Variants in GSG1L observed in about 807,000 individuals in gnomAD.
GSG1L encodes GSG1 like, also known as germ cell-specific gene 1-like protein.
In GSG1L, 24 loss-of-function variants were observed where a neutral mutation model predicts 42.1. That is an observed-to-expected ratio of 0.57 (90% CI 0.41 to 0.80). The LOEUF is 0.80. GSG1L is among the 30% of genes least tolerant of loss of function. The pLI is 0.00. For missense variants in GSG1L, 445 were observed against 472.2 expected, an observed-to-expected ratio of 0.94 and a Z score of 0.53; for synonymous variants, 215 against 203.5, an observed-to-expected ratio of 1.06 and a Z score of -0.48.
chr16:28,053,944 C>T (rs2086249189), intron 1 of GSG1L, among the ~76,000 whole-genome samples: 1 of 152,146 alleles, frequency 6.6e-6, no homozygotes, highest in Admixed American at 6.5e-5. Flanking sequence ...TCTCCTCGCT[C>T]GCTCCCTCTG....
chr16:27,829,254 G>A (rs1193088988), intron 4 of GSG1L, among the ~76,000 whole-genome samples: 1 of 152,140 alleles, frequency 6.6e-6, no homozygotes, highest in Non-Finnish European at 1.5e-5. Context: ...AAAATACAGC[G>A]ACACTTATGT....
At chr16:28,026,992 G>T (rs1426127302) in intron 1 of GSG1L, among the ~76,000 whole-genome samples, 1 of 152,200 alleles carries the variant, frequency 6.6e-6, no homozygotes, top group African/African-American at 2.4e-5. Context: ...TGAGGCAGAA[G>T]AATTGCTTGA....
At chr16:28,024,508 C>T (rs1461527833) in intron 1 of GSG1L, among the ~76,000 whole-genome samples, 3 of 152,128 alleles carry the variant, frequency 2.0e-5, no homozygotes, top group South Asian at 2.1e-4. Flanking sequence ...TAACAGGCCC[C>T]GGAACAGCGG....
chr16:28,052,794 T>C (rs1365589178), intron 1 of GSG1L, among the ~76,000 whole-genome samples: 7 of 152,142 alleles, frequency 4.6e-5, no homozygotes, highest in Admixed American at 4.6e-4. Context: ...AAACAGATGA[T>C]TAGGTAGGGA....
chr16:27,874,441 C>CTGTTTTTTTT (rs2083860011), intron 3 of GSG1L, among the ~76,000 whole-genome samples: 1 of 94,474 alleles, frequency 1.1e-5, no homozygotes, highest in Non-Finnish European at 2.1e-5. Context: ...ACAGGAGAGC[C>CTGTTTTTTTT]TTTTTTTTTT....
intron 6 of GSG1L, among the ~76,000 whole-genome samples, chr16:27,797,821 C>CA (rs59207468): frequency 0.024 from 1,848 of 76,926 alleles, 66 homozygotes; most frequent in African/African-American, 0.062. Flanking sequence ...GACTCCATCT[C>CA]AAAAAAAAAA....
intron 2 of GSG1L, among the ~76,000 whole-genome samples, chr16:27,952,154 A>G (rs1191901971): frequency 6.6e-6 from 1 of 152,212 alleles, no homozygotes; most frequent in Non-Finnish European, 1.5e-5. Flanking sequence ...GCCACCCACT[A>G]TCTATAACCT....
At chr16:27,894,401 A>T (rs1251856872) in intron 2 of GSG1L, among the ~76,000 whole-genome samples, 1 of 152,236 alleles carries the variant, frequency 6.6e-6, no homozygotes, top group Non-Finnish European at 1.5e-5. Flanking sequence ...CTTTATGAGG[A>T]TCAGAGGGGA....
At chr16:27,871,529 T>A (rs1016210451) in intron 3 of GSG1L, among the ~76,000 whole-genome samples, 7 of 151,920 alleles carry the variant, frequency 4.6e-5, no homozygotes, top group Non-Finnish European at 8.8e-5. Context: ...TCCCAGCTAC[T>A]CAGGAGGTTG....
chr16:28,053,881 C>T (rs1014560436), intron 1 of GSG1L, among the ~76,000 whole-genome samples: 3 of 152,166 alleles, frequency 2.0e-5, no homozygotes, highest in Non-Finnish European at 4.4e-5. Flanking sequence ...GCACGTGCCT[C>T]GATCTCCCTT....
intron 5 of GSG1L, among the ~76,000 whole-genome samples, chr16:27,821,134 C>T (rs76638524): frequency 0.014 from 2,141 of 152,274 alleles, 51 homozygotes; most frequent in African/African-American, 0.05. Flanking sequence ...CCGGGAGACT[C>T]GATTGTGCCA....
At chr16:27,921,938 G>C (rs2084529156) in intron 2 of GSG1L, among the ~76,000 whole-genome samples, 1 of 151,514 alleles carries the variant, frequency 6.6e-6, no homozygotes, top group Non-Finnish European at 1.5e-5. Flanking sequence ...ATCAAGTAAG[G>C]GTTGCTTTTT....
chr16:27,826,049 T>C (rs1393603010), intron 5 of GSG1L, among the ~76,000 whole-genome samples: 1 of 152,064 alleles, frequency 6.6e-6, no homozygotes, highest in East Asian at 1.9e-4. Context: ...ACATAAAAAA[T>C]AGCAATGGGT....
At chr16:27,969,055 GCTGAGATCGCCCCA>G (rs1195599724) in intron 1 of GSG1L, among the ~76,000 whole-genome samples, 3 of 152,154 alleles carry the variant, frequency 2.0e-5, no homozygotes, top group Non-Finnish European at 4.4e-5. Context: ...GTTGCAATGA[GCTGAGATCGCCCCA>G]CTGCACTTCA....
intron 2 of GSG1L, among the ~76,000 whole-genome samples, chr16:27,932,812 C>T (rs769158459): frequency 1.3e-4 from 20 of 152,212 alleles, no homozygotes; most frequent in South Asian, 6.2e-4. Context: ...CAGATCATGG[C>T]TCACCCCTGT....
intron 3 of GSG1L, among the ~76,000 whole-genome samples, chr16:27,873,405 G>C (rs1049296734): frequency 1.3e-5 from 2 of 152,174 alleles, no homozygotes; most frequent in Admixed American, 1.3e-4. Flanking sequence ...GCTGCTGGTG[G>C]GGTGTGATGG....
chr16:27,908,320 A>G (rs1454904017), intron 2 of GSG1L, among the ~76,000 whole-genome samples: 1 of 152,182 alleles, frequency 6.6e-6, no homozygotes, highest in African/African-American at 2.4e-5. Context: ...TGATCACCCC[A>G]CATGTTGAAG....
At chr16:27,965,064 G>A (rs982601443) in intron 1 of GSG1L, among the ~76,000 whole-genome samples, 1 of 152,048 alleles carries the variant, frequency 6.6e-6, no homozygotes, top group Non-Finnish European at 1.5e-5. Context: ...TGTCGCCCAG[G>A]CTGGAGTACA....
At chr16:27,818,431 G>C (rs531454603) in intron 5 of GSG1L, among the ~76,000 whole-genome samples, 1 of 152,050 alleles carries the variant, frequency 6.6e-6, no homozygotes, top group Non-Finnish European at 1.5e-5. Flanking sequence ...GAATCTCCAC[G>C]GTGCCATCTC....
Sources: gnomAD v4.1 joint callset for allele counts (sites outside exome capture counted in the v4.1 genomes callset) on GRCh38, gnomAD v4.1.1 for gene constraint, MANE v1.5 for transcripts, NCBI Gene and HGNC (gene_info 2026-07-23, HGNC 2026-07-21) for gene names.